The following SAMMSON variants were observed in gnomAD, a reference collection of about 807,000 sequenced individuals.
SAMMSON encodes survival associated mitochondrial melanoma specific oncogenic non-coding RNA, also known as long intergenic non-protein coding RNA 1212.
At chr3:70,425,683 A>G (rs1701359824) in intron 2 of SAMMSON, among the ~76,000 whole-genome samples, 1 of 152,102 alleles carries the variant, frequency 6.6e-6, no homozygotes, top group Non-Finnish European at 1.5e-5. Flanking sequence ...CTGGGATTAC[A>G]GGCATGAGCC....
intron 6 of SAMMSON, among the ~76,000 whole-genome samples, chr3:70,261,686 A>G (rs1179248408): frequency 6.6e-6 from 1 of 152,174 alleles, no homozygotes; most frequent in Non-Finnish European, 1.5e-5. Flanking sequence ...TTGAAAACAG[A>G]ATGCCAAGTT....
chr3:70,298,308 G>A (rs1702310938), intron 7 of SAMMSON, among the ~76,000 whole-genome samples: 1 of 151,974 alleles, frequency 6.6e-6, no homozygotes, highest in African/African-American at 2.4e-5. Flanking sequence ...TCAAGTGCTT[G>A]TTTCACAAAG....
intron 9 of SAMMSON, among the ~76,000 whole-genome samples, chr3:70,366,791 G>A (rs1702924026): frequency 6.6e-6 from 1 of 151,420 alleles, no homozygotes; most frequent in African/African-American, 2.4e-5. Context: ...TCATTCCCAT[G>A]AGTAATATAG....
intron 9 of SAMMSON, among the ~76,000 whole-genome samples, chr3:70,375,055 T>G (rs1477760840): frequency 2.0e-4 from 31 of 152,248 alleles, no homozygotes. Flanking sequence ...TGTGCATGCG[T>G]GTAAAGTCCA....
At chr3:70,087,283 T>C (rs1384696154) in intron 4 of SAMMSON, among the ~76,000 whole-genome samples, 2 of 152,218 alleles carry the variant, frequency 1.3e-5, no homozygotes, top group East Asian at 3.8e-4. Context: ...GAATTCTATC[T>C]GCAAATAAAC....
intron 3 of SAMMSON, among the ~76,000 whole-genome samples, chr3:70,031,694 C>G (rs887753172): frequency 6.6e-6 from 1 of 152,004 alleles, no homozygotes; most frequent in African/African-American, 2.4e-5. Context: ...AAAAAAAATC[C>G]TTATTTTAGG....
At chr3:70,126,270 TCAG>T in intron 4 of SAMMSON, 2 of 1,038,390 alleles carry the variant, frequency 1.9e-6, no homozygotes, top group Admixed American at 4.6e-5. Context: ...TTTTTTTTTT[TCAG>T]AGACTGGAGT....
intron 4 of SAMMSON, among the ~76,000 whole-genome samples, chr3:70,160,384 T>C (rs1413487598): frequency 6.8e-6 from 1 of 147,320 alleles, no homozygotes; most frequent in East Asian, 2.2e-4. Flanking sequence ...CCTTCCTTCT[T>C]TCTTTGCAGT....
intron 7 of SAMMSON, among the ~76,000 whole-genome samples, chr3:70,299,844 T>C (rs1403074): frequency 0.21 from 31,573 of 152,002 alleles, 3,484 homozygotes; most frequent in South Asian, 0.28. Context: ...TTCCCTTTGT[T>C]TAATAACATT....
intron 7 of SAMMSON, among the ~76,000 whole-genome samples, chr3:70,326,274 A>C (rs192606088): frequency 6.6e-6 from 1 of 152,094 alleles, no homozygotes; most frequent in South Asian, 2.1e-4. Context: ...TGGGTTTGAC[A>C]TTCCAGCTAT....
intron 3 of SAMMSON, among the ~76,000 whole-genome samples, chr3:70,037,838 T>A (rs1186834536): frequency 1.3e-5 from 2 of 152,174 alleles, no homozygotes; most frequent in Admixed American, 1.3e-4. Context: ...AAAACTATTT[T>A]TAAATCTTAC....
intron 4 of SAMMSON, among the ~76,000 whole-genome samples, chr3:70,098,034 G>T (rs1053592199): frequency 1.3e-5 from 2 of 152,200 alleles, no homozygotes; most frequent in African/African-American, 4.8e-5. Context: ...TGGGGAACTT[G>T]ATATTACTTT....
At chr3:70,250,160 A>G (rs1701747373) in intron 6 of SAMMSON, among the ~76,000 whole-genome samples, 1 of 152,138 alleles carries the variant, frequency 6.6e-6, no homozygotes. Flanking sequence ...TCTGTTCAAT[A>G]AATATTGTGA....
intron 4 of SAMMSON, among the ~76,000 whole-genome samples, chr3:70,221,503 G>T (rs1701459878): frequency 6.6e-6 from 1 of 152,044 alleles, no homozygotes; most frequent in African/African-American, 2.4e-5. Context: ...CGTGATATAT[G>T]CAGGAGATAC....
exon 6 of SAMMSON, chr3:70,249,662 AC>A (rs1355017887): frequency 1.3e-5 from 2 of 152,140 alleles, no homozygotes; most frequent in African/African-American, 4.8e-5. Flanking sequence ...ATTCCACAGT[AC>A]CAGCACAGTG....
intron 4 of SAMMSON, among the ~76,000 whole-genome samples, chr3:70,199,258 G>T (rs924940724): frequency 1.3e-5 from 2 of 152,102 alleles, no homozygotes; most frequent in African/African-American, 4.8e-5. Context: ...TCGTAAAGTG[G>T]TCTTATAATT....
At chr3:70,020,706 A>G (rs1307243286) in intron 3 of SAMMSON, among the ~76,000 whole-genome samples, 1 of 152,064 alleles carries the variant, frequency 6.6e-6, no homozygotes, top group South Asian at 2.1e-4. Flanking sequence ...AATAGTAACA[A>G]TAATAATTAA....
intron 4 of SAMMSON, among the ~76,000 whole-genome samples, chr3:70,164,082 G>C (rs892960691): frequency 6.6e-6 from 1 of 152,026 alleles, no homozygotes; most frequent in Non-Finnish European, 1.5e-5. Context: ...TGCAGTGATT[G>C]TGCTGATGGA....
chr3:70,246,732 C>T (rs1001396399), intron 4 of SAMMSON, among the ~76,000 whole-genome samples: 7 of 151,894 alleles, frequency 4.6e-5, no homozygotes, highest in East Asian at 1.9e-4. Context: ...ATCCAAACTA[C>T]GAAAGCAAGA....
Sources: allele counts gnomAD v4.1 joint callset (sites outside exome capture counted in the v4.1 genomes callset), GRCh38; gene constraint gnomAD v4.1.1; transcripts MANE v1.5; gene names NCBI Gene and HGNC (gene_info 2026-07-23, HGNC 2026-07-21).